Variants in SLC4A10 observed in about 807,000 individuals in gnomAD.
The protein encoded by SLC4A10 is solute carrier family 4 member 10.
A neutral mutation model predicts 137.7 loss-of-function variants in SLC4A10; 42 were observed. That is an observed-to-expected ratio of 0.30 (90% CI 0.24 to 0.39). SLC4A10 has a LOEUF of 0.39. Among genes scored for constraint, SLC4A10 ranks in the 10% least tolerant of loss-of-function variants. The pLI, the probability that SLC4A10 is intolerant of heterozygous loss-of-function variation, is 1.00. For missense variants in SLC4A10, 925 were observed against 1,355.0 expected (o/e 0.68, Z 4.98); for synonymous variants, 474 against 464.1 (o/e 1.02, Z -0.27).
intron 14 of SLC4A10, 126 bp downstream of exon 14, chr2:161,905,035 T>A (rs1278922500): frequency 1.1e-6 from 1 of 924,692 alleles, no homozygotes; most frequent in African/African-American, 1.7e-5. Flanking sequence ...TTTCAGTTTA[T>A]CATTTTTGCT....
chr2:161,772,997 C>T (rs920669784), intron 2 of SLC4A10, among the ~76,000 whole-genome samples: 1 of 151,686 alleles, frequency 6.6e-6, no homozygotes, highest in African/African-American at 2.4e-5. Flanking sequence ...GGGAGAGCAC[C>T]AAGGAGAAAG....
intron 23 of SLC4A10, among the ~76,000 whole-genome samples, chr2:161,971,460 C>T (rs968115593): frequency 6.6e-6 from 1 of 152,198 alleles, no homozygotes; most frequent in African/African-American, 2.4e-5. Flanking sequence ...ACATCTTCCC[C>T]ATGTTGTAGA....
chr2:161,831,661 A>T lies in SLC4A10; in HGVS notation c.278-8128A>T, dbSNP rs971336364. 8.5e-5 allele frequency among the ~76,000 whole-genome samples: 13 copies of T among 152,184 alleles called. 1 individual carries two copies. Among genetic ancestry groups the T allele is most frequent in the Admixed American group, 7.8e-4 (12 of 15,288 alleles). ...TCTAGGTAAAAATCATATAATCTGT[A>T]CAAAATATAATGAAAAAGGAAATAA... On this transcript the variant is annotated intron_variant, in intron 3 of 26. Transcript: ENST00000446997.
intron 4 of SLC4A10, among the ~76,000 whole-genome samples, chr2:161,841,172 G>T: frequency 6.6e-6 from 1 of 152,078 alleles, no homozygotes; most frequent in Non-Finnish European, 1.5e-5. Flanking sequence ...CTGCCTCCCT[G>T]GTTCAAGCCA....
At chr2:161,711,329 G>C (rs1461752880) in intron 1 of SLC4A10, among the ~76,000 whole-genome samples, 1 of 151,736 alleles carries the variant, frequency 6.6e-6, no homozygotes, top group Non-Finnish European at 1.5e-5. Context: ...ATTATGGAAG[G>C]GGTTTTGACT....
chr2:161,776,420 G>C (rs909960830), intron 2 of SLC4A10, among the ~76,000 whole-genome samples: 8 of 151,802 alleles, frequency 5.3e-5, no homozygotes, highest in African/African-American at 1.9e-4. Context: ...TGTGAATTTA[G>C]CTACTTTAGA....
chr2:161,900,824 C>A, intron 11 of SLC4A10, 87 bp from the exon 12 acceptor site: 1 of 965,884 alleles, frequency 1.0e-6, no homozygotes, highest in Non-Finnish European at 1.5e-6. Flanking sequence ...CATATTGCTT[C>A]AAGGAAAAAT....
chr2:161,876,177 G>A (rs888019132), intron 8 of SLC4A10, among the ~76,000 whole-genome samples: 2 of 152,126 alleles, frequency 1.3e-5, no homozygotes, highest in African/African-American at 4.8e-5. Context: ...AGACCCAGAA[G>A]AGTATAGCTC....
At chr2:161,978,702 CTCTCTCTGTGTG>C (rs1164307073) in intron 26 of SLC4A10, among the ~76,000 whole-genome samples, 2 of 152,202 alleles carry the variant, frequency 1.3e-5, no homozygotes, top group Non-Finnish European at 2.9e-5. Context: ...AGTTCTCTCT[CTCTCTCTGTGTG>C]TCTCTCTCTC....
chr2:161,725,117 A>G (rs1171230571), intron 1 of SLC4A10, among the ~76,000 whole-genome samples: 1 of 152,220 alleles, frequency 6.6e-6, no homozygotes, highest in Non-Finnish European at 1.5e-5. Context: ...CGCTTTGAAC[A>G]CTAGTAGGAA....
chr2:161,648,831 C>A (rs574676699), intron 1 of SLC4A10, among the ~76,000 whole-genome samples: 147 of 152,126 alleles, frequency 9.7e-4, no homozygotes, highest in Non-Finnish European at 1.8e-3. Flanking sequence ...GTTGCATATT[C>A]TACAGTCTGT....
chr2:161,688,608 A>C (rs2041674111), intron 1 of SLC4A10, among the ~76,000 whole-genome samples: 1 of 152,222 alleles, frequency 6.6e-6, no homozygotes, highest in Non-Finnish European at 1.5e-5. Context: ...TTAATGCTAA[A>C]GAATATTATT....
At chr2:161,890,240 G>A (rs545417140) in intron 10 of SLC4A10, among the ~76,000 whole-genome samples, 68 of 152,232 alleles carry the variant, frequency 4.5e-4, no homozygotes, top group African/African-American at 1.6e-3. Flanking sequence ...AGTGCGATGC[G>A]GTGCTGAGAA....
chr2:161,801,742 T>C lies in SLC4A10; in HGVS notation c.131-2707T>C, dbSNP rs538212685. 1.2e-3 allele frequency among the ~76,000 whole-genome samples: 176 copies of C among 152,260 alleles called. 3 individuals carry two copies. In the Middle Eastern group the frequency reaches 0.017, roughly 15 times the overall value. ...TTCATTAGCTGTGGGACTTAAAATG[T>C]GACTTAACTTTTTTGAACCTTTTGT... is the stretch of plus-strand genomic sequence containing the variant. On this transcript the variant is annotated intron_variant, in intron 2 of 26. Transcript: ENST00000446997.
intron 1 of SLC4A10, among the ~76,000 whole-genome samples, chr2:161,625,173 T>G (rs1279911060): frequency 6.6e-6 from 1 of 151,772 alleles, no homozygotes; most frequent in Non-Finnish European, 1.5e-5. Context: ...TATGCATTTT[T>G]GGGGGACAGG....
At chr2:161,701,211 C>A (rs766021647) in intron 1 of SLC4A10, among the ~76,000 whole-genome samples, 6 of 151,938 alleles carry the variant, frequency 3.9e-5, no homozygotes, top group African/African-American at 1.2e-4. Context: ...CATATGAGTC[C>A]TTTTGACAAA....
In SLC4A10 at chr2:161,902,770, A is replaced by T. The variant is rs528602777; in HGVS notation, c.1443-1234A>T. Among the ~76,000 whole-genome samples, 7 of 152,318 alleles carry T rather than the reference A, an allele frequency of 4.6e-5. No homozygotes were observed. The South Asian group carries it at 1.4e-3, about 32-fold the overall frequency. On this transcript the variant is annotated intron_variant, in intron 12 of 26. Transcript: ENST00000446997. The stretch of plus-strand genomic sequence containing the variant: ...TGGTAAAATATTTTAATTATTCATA[A>T]TATGTACATCTTTTATTTCAAATTC...
intron 1 of SLC4A10, among the ~76,000 whole-genome samples, chr2:161,764,980 G>A (rs2050641128): frequency 6.6e-6 from 1 of 152,128 alleles, no homozygotes; most frequent in South Asian, 2.1e-4. Context: ...CTTAAGGTGT[G>A]ATTTCTGTCG....
At chr2:161,626,624 A>C (rs912945247) in intron 1 of SLC4A10, among the ~76,000 whole-genome samples, 3 of 151,908 alleles carry the variant, frequency 2.0e-5, no homozygotes, top group Non-Finnish European at 4.4e-5. Flanking sequence ...TTTTATGAAA[A>C]CCTTTTTTGT....
Sources: allele counts gnomAD v4.1 joint callset (sites outside exome capture counted in the v4.1 genomes callset), GRCh38; gene constraint gnomAD v4.1.1; transcripts MANE v1.5; gene names NCBI Gene and HGNC (gene_info 2026-07-23, HGNC 2026-07-21).